The following EPHA6 variants were observed in gnomAD, a reference collection of about 807,000 sequenced individuals.
EPHA6 encodes ephrin type-A receptor 6.
EPHA6 carries 50 observed loss-of-function variants against 112.0 expected under a neutral mutation model. The observed-to-expected ratio is 0.45, with a 90% CI of 0.36 to 0.56. EPHA6 has a LOEUF of 0.56. Among genes scored for constraint, EPHA6 ranks in the 20% least tolerant of loss-of-function variants. The probability of loss-of-function intolerance (pLI) is 0.00; values close to 1 mark genes in which losing one functional copy is unlikely to be tolerated. For missense variants in EPHA6, 1,280 were observed against 1,417.4 expected, an observed-to-expected ratio of 0.90 and a Z score of 1.56; for synonymous variants, 529 against 490.7, an observed-to-expected ratio of 1.08 and a Z score of -1.03.
In EPHA6 at chr3:97,331,884, G is replaced by T. The variant is rs973543374; in HGVS notation, c.1607-73266G>T. On this transcript the variant is annotated intron_variant, in intron 5 of 17. Transcript: ENST00000389672. ...ACTATTCTAATCAATAGAAAAAGAG[G>T]GAATCCTCCCTAACTCATTTTATGA... is the stretch of plus-strand genomic sequence containing the variant. Among the ~76,000 whole-genome samples, 159 of 152,182 alleles carry T rather than the reference G, an allele frequency of 1.0e-3. 1 individual carries two copies. Among genetic ancestry groups the T allele is most frequent in the African/African-American group, 3.4e-3 (141 of 41,528 alleles).
intron 10 of EPHA6, among the ~76,000 whole-genome samples, chr3:97,511,661 T>C (rs1184866577): frequency 6.6e-6 from 1 of 152,196 alleles, no homozygotes; most frequent in Non-Finnish European, 1.5e-5. Context: ...GCTTTTAGCA[T>C]TGAATGCCAT....
At chr3:97,488,816 C>T (rs1427315433) in intron 10 of EPHA6, among the ~76,000 whole-genome samples, 1 of 152,160 alleles carries the variant, frequency 6.6e-6, no homozygotes, top group African/African-American at 2.4e-5. Flanking sequence ...GAAAACTTTG[C>T]ATGTTGAGTA....
chr3:97,219,379 A>G (rs1170368034), intron 3 of EPHA6, among the ~76,000 whole-genome samples: 1 of 152,194 alleles, frequency 6.6e-6, no homozygotes, highest in Non-Finnish European at 1.5e-5. Flanking sequence ...AAATATTATA[A>G]TAAATGTTAA....
intron 1 of EPHA6, among the ~76,000 whole-genome samples, chr3:96,834,823 G>T (rs969881814): frequency 9.9e-5 from 15 of 151,836 alleles, no homozygotes; most frequent in African/African-American, 3.6e-4. Flanking sequence ...GTAATATCTA[G>T]GCTTTCCTTT....
Position 97,472,640 on chromosome 3 carries a change from T to C in EPHA6, c.1895-2712T>C, listed in dbSNP as rs561414290. 2.0e-5 allele frequency among the ~76,000 whole-genome samples: 3 copies of C among 151,902 alleles called. No individual in the cohort carries two copies. In the South Asian group the frequency reaches 6.2e-4, roughly 31 times the overall value. On this transcript the variant is annotated intron_variant, in intron 7 of 17. Coordinates refer to ENST00000389672, the MANE Select transcript of EPHA6 (RefSeq NM_001080448.3). The stretch of plus-strand genomic sequence containing the variant: ...CCATCAGGACCAAGCTCCTGAGTGT[T>C]TTTATTTCCATATGGCAAATCTTGT...
intron 1 of EPHA6, among the ~76,000 whole-genome samples, chr3:96,825,056 A>T (rs896346387): frequency 3.3e-5 from 5 of 152,006 alleles, no homozygotes; most frequent in African/African-American, 9.7e-5. Context: ...AATGAGTCTC[A>T]CATTTATCAG....
chr3:97,472,824 G>C (rs923303892), intron 7 of EPHA6, among the ~76,000 whole-genome samples: 1 of 151,758 alleles, frequency 6.6e-6, no homozygotes, highest in South Asian at 2.1e-4. Flanking sequence ...AACCAAAACC[G>C]CTAGATCTAG....
chr3:97,316,386 C>T (rs1365082581), intron 5 of EPHA6, among the ~76,000 whole-genome samples: 1 of 151,830 alleles, frequency 6.6e-6, no homozygotes, highest in Non-Finnish European at 1.5e-5. Flanking sequence ...TACATTGTGA[C>T]CCCTGCCCAG....
chr3:97,735,208 G>A (rs1378866601), intron 15 of EPHA6, among the ~76,000 whole-genome samples: 1 of 152,050 alleles, frequency 6.6e-6, no homozygotes, highest in Non-Finnish European at 1.5e-5. Flanking sequence ...GTGCTACCAT[G>A]TTGTAGAAAG....
chr3:96,947,639 C>G (rs1227344592), intron 2 of EPHA6, among the ~76,000 whole-genome samples: 1 of 152,062 alleles, frequency 6.6e-6, no homozygotes, highest in Non-Finnish European at 1.5e-5. Context: ...GAGTGAACTC[C>G]CATTCACAAT....
intron 6 of EPHA6, among the ~76,000 whole-genome samples, chr3:97,412,306 A>G (rs2087775741): frequency 6.6e-6 from 1 of 151,932 alleles, no homozygotes; most frequent in Non-Finnish European, 1.5e-5. Context: ...AATTAATCCC[A>G]CTTCTGCTAA....
At chr3:97,147,246 C>T (rs970144087) in intron 3 of EPHA6, among the ~76,000 whole-genome samples, 3 of 152,026 alleles carry the variant, frequency 2.0e-5, no homozygotes, top group Non-Finnish European at 2.9e-5. Context: ...ATAAAAATAA[C>T]GAGATTCATT....
At chr3:97,454,800 A>G (rs917295365) in intron 7 of EPHA6, among the ~76,000 whole-genome samples, 4 of 151,940 alleles carry the variant, frequency 2.6e-5, no homozygotes, top group Non-Finnish European at 5.9e-5. Context: ...CCACATCATT[A>G]TTAACACCAG....
chr3:97,671,241 G>C (rs938025815), intron 14 of EPHA6, among the ~76,000 whole-genome samples: 2 of 152,090 alleles, frequency 1.3e-5, no homozygotes, highest in Non-Finnish European at 2.9e-5. Flanking sequence ...GAGATATAAT[G>C]ACAAGTTCAC....
At chr3:97,081,347 T>C (rs1057217566) in intron 3 of EPHA6, among the ~76,000 whole-genome samples, 9 of 151,864 alleles carry the variant, frequency 5.9e-5, no homozygotes, top group Non-Finnish European at 1.5e-5. Flanking sequence ...AAAATGCCAC[T>C]CTCTCAATAG....
At chr3:97,546,429 G>T (rs1289806960) in intron 11 of EPHA6, among the ~76,000 whole-genome samples, 1 of 152,222 alleles carries the variant, frequency 6.6e-6, no homozygotes, top group Admixed American at 6.5e-5. Flanking sequence ...TCTGCAGAGA[G>T]ATCAGCTGTT....
intron 14 of EPHA6, among the ~76,000 whole-genome samples, chr3:97,708,123 CAGA>C (rs1375278069): frequency 6.6e-6 from 1 of 152,154 alleles, no homozygotes; most frequent in African/African-American, 2.4e-5. Context: ...TTGGAGGGCT[CAGA>C]AGGAGACAGA....
chr3:97,343,616 A>G (rs1187523203), intron 5 of EPHA6, among the ~76,000 whole-genome samples: 1 of 152,186 alleles, frequency 6.6e-6, no homozygotes, highest in East Asian at 1.9e-4. Flanking sequence ...ATCTCACCAG[A>G]AGCCAAGGAT....
intron 2 of EPHA6, among the ~76,000 whole-genome samples, chr3:96,915,667 A>C (rs1479133357): frequency 6.6e-6 from 1 of 152,120 alleles, no homozygotes; most frequent in African/African-American, 2.4e-5. Flanking sequence ...ATTCTAATAC[A>C]TGCCTTTCCC....
Sources: allele counts gnomAD v4.1 joint callset (sites outside exome capture counted in the v4.1 genomes callset), GRCh38; gene constraint gnomAD v4.1.1; transcripts MANE v1.5; gene names NCBI Gene and HGNC (gene_info 2026-07-23, HGNC 2026-07-21).